The following RFC5 variants were observed in gnomAD, a reference collection of about 807,000 sequenced individuals.
The protein encoded by RFC5 is replication factor C subunit 5.
A neutral mutation model predicts 44.3 loss-of-function variants in RFC5; 26 were observed. That is an observed-to-expected ratio of 0.59 (90% CI 0.43 to 0.81). The LOEUF (loss-of-function observed/expected upper bound fraction) is 0.81, where lower values mean the gene tolerates loss of function less well. Among genes scored for constraint, RFC5 ranks in the 40% least tolerant of loss-of-function variants. The pLI is 0.00. For synonymous variants in RFC5, 155 were observed against 155.2 expected (o/e 1.00, Z 0.01); for missense variants, 328 against 418.6 (o/e 0.78, Z 1.89).
downstream of RFC5, among the ~76,000 whole-genome samples, chr12:118,037,463 T>G (rs1462798747): frequency 1.3e-5 from 2 of 152,012 alleles, no homozygotes; most frequent in Non-Finnish European, 2.9e-5. Context: ...GGTCAGGAGT[T>G]CAAGACCAGC....
chr12:118,022,765 C>A (rs2030603746), intron 5 of RFC5, among the ~76,000 whole-genome samples: 1 of 152,044 alleles, frequency 6.6e-6, no homozygotes, highest in African/African-American at 2.4e-5. Context: ...CTTTAAGCTT[C>A]CCAAAGTGCT....
At chr12:118,033,029 C>T (rs911301857), downstream of RFC5, 33 of 152,060 alleles carry the variant, frequency 2.2e-4, no homozygotes, top group African/African-American at 8.0e-4. Context: ...AGTCATGTAA[C>T]GTTACACTGG....
At chr12:118,028,672 CTG>C (rs1858689146) in intron 9 of RFC5, among the ~76,000 whole-genome samples, 1 of 150,556 alleles carries the variant, frequency 6.6e-6, no homozygotes, top group Non-Finnish European at 1.5e-5. Flanking sequence ...GTCTATCTAT[CTG>C]TCTATCTAGA....
chr12:118,029,863 C>CT, intron 10 of RFC5, 38 bp downstream of exon 10: 2 of 1,413,706 alleles, frequency 1.4e-6, no homozygotes, highest in Non-Finnish European at 1.0e-6. Context: ...TCTTTTCTTC[C>CT]TTTTTTCCCC....
chr12:118,036,212 C>G (rs73410742), downstream of RFC5: 3,197 of 1,142,832 alleles, frequency 2.8e-3, 71 homozygotes, highest in African/African-American at 0.045. Context: ...AAAAGAGACC[C>G]ACTGTGCCTT....
downstream of RFC5, chr12:118,033,701 G>A: frequency 6.5e-6 from 1 of 154,026 alleles, no homozygotes; most frequent in Non-Finnish European, 1.4e-5. Flanking sequence ...AAGAAGAAAA[G>A]CACTTGGCCA....
downstream of RFC5, chr12:118,036,201 C>T (rs906306927): frequency 3.7e-6 from 4 of 1,079,952 alleles, no homozygotes; most frequent in Admixed American, 9.2e-5. Context: ...GACTCCGTCT[C>T]AAAAGAGACC....
downstream of RFC5, chr12:118,035,570 G>A (rs1000854068): frequency 1.9e-5 from 9 of 465,252 alleles, no homozygotes; most frequent in African/African-American, 1.8e-4. Context: ...TGCAAAGTAG[G>A]TCAGCCCTCA....
intron 6 of RFC5, 84 bp from the exon 7 acceptor site, chr12:118,025,663 A>C (rs1305997671): frequency 3.3e-5 from 26 of 793,858 alleles, no homozygotes; most frequent in Admixed American, 1.1e-4. Context: ...TTAAAGCCTT[A>C]ATCATTCCAG....
chr12:118,023,942 C>T (rs5745849), intron 5 of RFC5, among the ~76,000 whole-genome samples: 19 of 152,138 alleles, frequency 1.2e-4, no homozygotes, highest in South Asian at 1.2e-3. Context: ...CTAGGCAGGG[C>T]GCAGTGGCTC....
At position 118,025,787 on chromosome 12, in the gene RFC5, C is replaced by T; in HGVS notation, c.622C>T (p.Leu208Phe). 1.9e-6 allele frequency: 3 copies of T among 1,608,790 alleles called. No individual in the cohort carries two copies. Among genetic ancestry groups the T allele is most frequent in the Non-Finnish European group, 2.5e-6 (3 of 1,177,406 alleles). The change falls in exon 7 of 11, where the codon CTT becomes TTT. Residue 208 changes from leucine (L) to phenylalanine (F), a missense_variant. Coordinates refer to ENST00000454402, the MANE Select transcript of RFC5 (RefSeq NM_007370.7). ...SEDGMKALVTLSSGDMRRALN... is the reference protein window; with the variant it reads ...SEDGMKALVTFSSGDMRRALN... ...AGATGGAATGAAAGCACTAGTCACT[C>T]TTTCCAGTGGAGACATGCGTAGGGC...
intron 5 of RFC5, among the ~76,000 whole-genome samples, chr12:118,023,633 G>A (rs2030706411): frequency 6.6e-6 from 1 of 152,078 alleles, no homozygotes; most frequent in Non-Finnish European, 1.5e-5. Context: ...AGAACATTGG[G>A]TACCTACAGA....
downstream of RFC5, chr12:118,036,269 T>C (rs995070427): frequency 3.9e-6 from 6 of 1,524,140 alleles, no homozygotes; most frequent in South Asian, 7.4e-5. Context: ...AAAAGAGACA[T>C]GTCTAATCCC....
In RFC5 at chr12:118,032,140, G is replaced by C. The variant is rs2031358785; in HGVS notation, c.*862G>C. 2 of 152,216 alleles carry C rather than the reference G, an allele frequency of 1.3e-5. No homozygotes were observed. The highest frequency in any genetic ancestry group is 4.8e-5 in the African/African-American group (2 of 41,458). 9.4% of individuals were successfully genotyped at this position (152,216 alleles called of 1,614,324 possible). A position where few individuals can be genotyped will look rare whatever the true frequency, so the allele number is the denominator to read the frequency against. On this transcript the variant is annotated 3_prime_UTR_variant, in exon 11 of 11. Transcript: ENST00000454402. Reference sequence around the variant, plus strand: ...GTTACAAGTGACTCTTCCTTAGACAGCTAGAAAGATGCTGACTTTGTCAAA... The same window carrying C: ...GTTACAAGTGACTCTTCCTTAGACACCTAGAAAGATGCTGACTTTGTCAAA...
rs745377259 is a variant in RFC5, at chr12:118,027,036, C to G, written c.793+18C>G. 4 of 1,604,142 alleles carry G rather than the reference C, an allele frequency of 2.5e-6. No homozygotes were observed. The Admixed American group carries it at 5.0e-5, about 20-fold the overall frequency. The stretch of plus-strand genomic sequence containing the variant: ...CTACAGAAGTATCCTTTCTCATGAC[C>G]TCCTGGCCACCGAGACCTGAAGGTG... On this transcript the variant is annotated intron_variant, in intron 8 of 10. Coordinates refer to ENST00000454402, the MANE Select transcript of RFC5 (RefSeq NM_007370.7).
At chr12:118,036,095 G>A (rs140555955), downstream of RFC5, 43 of 338,944 alleles carry the variant, frequency 1.3e-4, no homozygotes, top group East Asian at 2.0e-3. Flanking sequence ...CTAGCTACTC[G>A]GGAGGCTCAG....
At position 118,019,956 on chromosome 12, in the gene RFC5, T is replaced by C. The variant is rs1670793553; in HGVS notation, c.267+188T>C. On this transcript the variant is annotated intron_variant, in intron 3 of 10. Coordinates refer to ENST00000454402, the MANE Select transcript of RFC5 (RefSeq NM_007370.7). This position sits in a 1 kb window ranked among gnomAD's most constrained non-coding sequence, Gnocchi z 4.2. ...TTGGTCTGGATTAGCGTTGGTCAGC[T>C]AGAGGGCAGTTGTAGGGTTTGGCAC... Among the ~76,000 whole-genome samples, 1 of 152,224 alleles carries C rather than the reference T, an allele frequency of 6.6e-6. No homozygotes were observed. Among genetic ancestry groups the C allele is most frequent in the African/African-American group, 2.4e-5 (1 of 41,450 alleles).
Position 118,031,455 on chromosome 12 carries a change from T to G in RFC5, c.*177T>G, listed in dbSNP as rs1449974535. Reference sequence around the variant, plus strand: ...TTAAAAAGTACCATTTTTGTGGTTGTTTGGAGCAGGGATGTACAAAATAAT... The same window carrying G: ...TTAAAAAGTACCATTTTTGTGGTTGGTTGGAGCAGGGATGTACAAAATAAT... On this transcript the variant is annotated 3_prime_UTR_variant, in exon 11 of 11. Transcript: ENST00000454402. 4.0e-6 allele frequency: 2 copies of G among 494,192 alleles called. No homozygotes were observed. The highest frequency in any genetic ancestry group is 7.3e-5 in the Admixed American group (2 of 27,416). The allele number at this position is 494,192 out of a possible 1,614,324, so 30.6% of individuals were successfully genotyped here.
chr12:118,030,138 C>A (rs949119076), intron 10 of RFC5, among the ~76,000 whole-genome samples: 1 of 152,128 alleles, frequency 6.6e-6, no homozygotes. Context: ...CTTCAACCAC[C>A]CAGCTGTTAT....
Sources: gnomAD v4.1 joint callset for allele counts (sites outside exome capture counted in the v4.1 genomes callset) on GRCh38, gnomAD v4.1.1 for gene constraint, Gnocchi (gnomAD v3.1) non-coding constraint, MANE v1.5 for transcripts, NCBI Gene and HGNC (gene_info 2026-07-23, HGNC 2026-07-21) for gene names.